Variants in GRIP1 observed in about 807,000 individuals in gnomAD.
GRIP1 encodes the protein glutamate receptor interacting protein 1, also known as glutamate receptor-interacting protein 1.
Under a neutral mutation model 129.9 loss-of-function variants are expected in GRIP1, and 45 were observed. The observed-to-expected ratio is 0.35, with a 90% CI of 0.27 to 0.44. The LOEUF is 0.44. Ranked by LOEUF, GRIP1 falls within the 20% of genes least tolerant of loss-of-function variation. The pLI is 1.00. For missense variants in GRIP1, 1,196 were observed against 1,396.8 expected (o/e 0.86, Z 2.29); for synonymous variants, 530 against 520.8 (o/e 1.02, Z -0.24).
intron 1 of GRIP1, among the ~76,000 whole-genome samples, chr12:66,968,180 T>A (rs1169991535): frequency 1.3e-5 from 2 of 152,210 alleles, no homozygotes; most frequent in African/African-American, 4.8e-5. Flanking sequence ...GAACTGATAC[T>A]TTTATCAGTC....
Position 66,455,476 on chromosome 12 carries a change from G to T in GRIP1, c.1287C>A (p.Leu429=), listed in dbSNP as rs767900832. Residue 429 remains leucine (L), a synonymous_variant, in exon 11 of 25, where the codon CTC becomes CTA. Coordinates refer to ENST00000359742, the MANE Select transcript of GRIP1 (RefSeq NM_001366722.1). The part of the protein sequence containing the change: ...SLNMGTLPRS[L]YSTSPRGTMM... ...TGGTTCCACGTGGGCTGGTGGAGTA[G>T]AGGCTTCGAGGTAGAGTCCCCATGT... The T allele has an allele frequency of 1.9e-6, 3 of 1,613,858 alleles. No homozygotes were observed. Among genetic ancestry groups the T allele is most frequent in the Non-Finnish European group, 2.5e-6 (3 of 1,179,712 alleles).
chr12:66,445,646 A>G (rs1294791031), intron 11 of GRIP1, 138 bp from the exon 12 acceptor site: 6 of 615,840 alleles, frequency 9.7e-6, no homozygotes, highest in Non-Finnish European at 1.7e-5. Flanking sequence ...CTGGTTTAGC[A>G]AGAGTTGAAA....
chr12:66,383,858 A>G (rs1565685670), intron 19 of GRIP1, among the ~76,000 whole-genome samples: 1 of 152,218 alleles, frequency 6.6e-6, no homozygotes, highest in Non-Finnish European at 1.5e-5. Flanking sequence ...GTTCTGGTCA[A>G]TGACGTAGCT....
chr12:66,631,235 G>C (rs965535845), intron 1 of GRIP1, among the ~76,000 whole-genome samples: 1 of 152,062 alleles, frequency 6.6e-6, no homozygotes, highest in Non-Finnish European at 1.5e-5. Flanking sequence ...ATCGCGCCTG[G>C]CTAAAACTTT....
At chr12:66,899,743 A>G (rs988237404) in intron 1 of GRIP1, among the ~76,000 whole-genome samples, 1 of 152,162 alleles carries the variant, frequency 6.6e-6, no homozygotes, top group Non-Finnish European at 1.5e-5. Context: ...TGCATGCAGA[A>G]CTACTCTGTC....
At chr12:66,814,409 TA>T (rs1566036064) in intron 1 of GRIP1, among the ~76,000 whole-genome samples, 1 of 152,152 alleles carries the variant, frequency 6.6e-6, no homozygotes, top group African/African-American at 2.4e-5. Flanking sequence ...CACTTTATTA[TA>T]GCTGCTTCTT....
intron 1 of GRIP1, among the ~76,000 whole-genome samples, chr12:66,719,577 C>T (rs1172599115): frequency 6.6e-6 from 1 of 152,152 alleles, no homozygotes; most frequent in East Asian, 1.9e-4. Context: ...TATAACTCAT[C>T]TTTTTCCAAT....
At chr12:66,988,652 C>T (rs753523592) in intron 1 of GRIP1, among the ~76,000 whole-genome samples, 6 of 152,142 alleles carry the variant, frequency 3.9e-5, no homozygotes, top group East Asian at 1.9e-4. Context: ...GCTGGGATTA[C>T]GGGTTTGAGC....
Position 66,815,854 on chromosome 12 carries a change from TTCTCTCTCTCTCTC to T in GRIP1, c.59-218941_59-218928del, listed in dbSNP as rs1555241803. On this transcript the variant is annotated intron_variant, in intron 1 of 1. Coordinates refer to the GRIP1 transcript ENST00000643019. ...TTTCTTTCTTTCTTTCTTTCTTTCT[TTCTCTCTCTCTCTC>T]TCTCTCTCTCTCTTTCTTTCTTTCT... 6.9e-5 allele frequency among the ~76,000 whole-genome samples: 8 copies of T among 116,760 alleles called. No homozygotes were observed. The East Asian group carries it at 2.4e-3, about 36-fold the overall frequency. The allele number at this position is 116,760 out of a possible 152,430, so 76.6% of individuals were successfully genotyped here.
At chr12:66,612,354 T>C (rs2064839781) in intron 1 of GRIP1, among the ~76,000 whole-genome samples, 1 of 152,140 alleles carries the variant, frequency 6.6e-6, no homozygotes, top group Non-Finnish European at 1.5e-5. Context: ...TGTAACACAA[T>C]AGTATCTGTG....
At chr12:66,926,003 T>C (rs117658010) in intron 1 of GRIP1, among the ~76,000 whole-genome samples, 115 of 152,294 alleles carry the variant, frequency 7.6e-4, no homozygotes, top group Admixed American at 4.9e-3. Context: ...AAAGAATGAA[T>C]TCTGATTAAT....
intron 1 of GRIP1, 28 bp downstream of exon 1, chr12:66,678,822 T>C: frequency 1.9e-6 from 3 of 1,605,602 alleles, no homozygotes; most frequent in Non-Finnish European, 2.6e-6. Context: ...ACAGACTCGC[T>C]GAGGGAATAA....
intron 1 of GRIP1, among the ~76,000 whole-genome samples, chr12:66,893,190 T>C (rs565692339): frequency 1.3e-5 from 2 of 152,334 alleles, no homozygotes; most frequent in South Asian, 4.1e-4. Context: ...GGCTTTTTTT[T>C]TCAGTTAGCA....
chr12:66,641,704 C>T (rs1208041390), intron 1 of GRIP1, among the ~76,000 whole-genome samples: 1 of 152,104 alleles, frequency 6.6e-6, no homozygotes, highest in African/African-American at 2.4e-5. Flanking sequence ...CAAAAGAACC[C>T]TGAGAATTTT....
At chr12:66,520,620 T>G (rs183957948) in intron 5 of GRIP1, among the ~76,000 whole-genome samples, 1 of 152,322 alleles carries the variant, frequency 6.6e-6, no homozygotes, top group East Asian at 1.9e-4. Flanking sequence ...ATAAAACTCC[T>G]GGATATACAC....
rs114200458 is a variant in GRIP1, at chr12:66,784,595, T to C, written c.-420+19458A>G. ...CCAGTTGACTGCAGTTAGCACCTAA[T>C]CTATTTGCTATCCTAATTTTTATGT... is the stretch of plus-strand genomic sequence containing the variant. On this transcript the variant is annotated intron_variant, in intron 1 of 4. Transcript: ENST00000538373. 5.5e-3 allele frequency among the ~76,000 whole-genome samples: 840 copies of C among 152,240 alleles called. 5 individuals are homozygous for C. The highest frequency in any genetic ancestry group is 0.019 in the African/African-American group (792 of 41,550).
upstream of GRIP1, among the ~76,000 whole-genome samples, chr12:66,807,517 C>T (rs970818940): frequency 3.3e-5 from 5 of 152,002 alleles, no homozygotes; most frequent in Non-Finnish European, 5.9e-5. Flanking sequence ...ACTGAAAATA[C>T]AAAAAAATTA....
chr12:66,788,239 C>CA (rs1227388269), intron 1 of GRIP1, among the ~76,000 whole-genome samples: 23 of 144,094 alleles, frequency 1.6e-4, no homozygotes, highest in Non-Finnish European at 2.9e-4. Flanking sequence ...AAATAAAATA[C>CA]TTTTTTTTTT....
intron 22 of GRIP1, 25 bp downstream of exon 22, chr12:66,376,992 A>C (rs1329638886): frequency 6.3e-7 from 1 of 1,579,902 alleles, no homozygotes; most frequent in Non-Finnish European, 8.7e-7. Context: ...TCACAAGCAA[A>C]AATATAAACA....
Sources: allele counts gnomAD v4.1 joint callset (sites outside exome capture counted in the v4.1 genomes callset), GRCh38; gene constraint gnomAD v4.1.1; transcripts MANE v1.5; gene names NCBI Gene and HGNC (gene_info 2026-07-23, HGNC 2026-07-21).